Variants in FOXP1 observed in about 807,000 individuals in gnomAD.
FOXP1 encodes forkhead box protein P1.
FOXP1 carries 15 observed loss-of-function variants against 98.2 expected under a neutral mutation model. The ratio of observed to expected loss-of-function variants is 0.15; its 90% CI spans 0.10 to 0.24. The LOEUF is 0.24. Ranked by LOEUF, FOXP1 falls within the 10% of genes least tolerant of loss-of-function variation. The probability of loss-of-function intolerance (pLI) is 1.00; values close to 1 mark genes in which losing one functional copy is unlikely to be tolerated. For synonymous variants in FOXP1, 371 were observed against 314.5 expected (o/e 1.18, Z -1.90); for missense variants, 633 against 848.5 (o/e 0.75, Z 3.15).
intron 5 of FOXP1, among the ~76,000 whole-genome samples, chr3:71,289,015 T>TC (rs1560248111): frequency 7.2e-6 from 1 of 139,064 alleles, no homozygotes; most frequent in Non-Finnish European, 1.5e-5. Context: ...CTCACAACTC[T>TC]CTTCTTATTT....
intron 7 of FOXP1, among the ~76,000 whole-genome samples, chr3:71,099,518 G>GCAAAACAAAA (rs745686792): frequency 2.0e-5 from 3 of 151,862 alleles, no homozygotes; most frequent in Non-Finnish European, 2.9e-5. Flanking sequence ...TCTCAACAAA[G>GCAAAACAAAA]CAAAACAAAA....
chr3:71,555,264 C>T (rs2046044818), intron 2 of FOXP1, among the ~76,000 whole-genome samples: 2 of 152,174 alleles, frequency 1.3e-5, no homozygotes, highest in South Asian at 4.1e-4. Context: ...CCCAACCCTA[C>T]TGACCAAATT....
intron 6 of FOXP1, among the ~76,000 whole-genome samples, chr3:71,191,755 T>G (rs114934598): frequency 0.012 from 1,848 of 152,256 alleles, 30 homozygotes; most frequent in African/African-American, 0.041. Flanking sequence ...AAGAACATGT[T>G]GGGGGGTCAG....
At chr3:71,204,516 T>C (rs1390499606) in intron 5 of FOXP1, among the ~76,000 whole-genome samples, 1 of 152,180 alleles carries the variant, frequency 6.6e-6, no homozygotes, top group Non-Finnish European at 1.5e-5. Context: ...AGACTCTCAG[T>C]AGAGGACTGC....
At chr3:71,448,821 C>T (rs1267050096) in intron 3 of FOXP1, among the ~76,000 whole-genome samples, 1 of 152,198 alleles carries the variant, frequency 6.6e-6, no homozygotes, top group Non-Finnish European at 1.5e-5. Context: ...AACCAAATCA[C>T]TGGCAAGTAA....
chr3:70,959,176 C>G lies in FOXP1; in HGVS notation c.*71G>C, dbSNP rs2106851046. On this transcript the variant is annotated 3_prime_UTR_variant, in exon 21 of 21. Transcript: ENST00000649528. ...CAACAAATGGAGAACAATTTCACTG[C>G]TAACTTTTGACGTGTTTTTTTTTTT... 1.3e-6 allele frequency: 2 copies of G among 1,557,912 alleles called. No homozygotes were observed. The highest frequency in any genetic ancestry group is 1.8e-6 in the Non-Finnish European group (2 of 1,133,712).
At position 71,554,805 on chromosome 3, in the gene FOXP1, G is replaced by A. The variant is rs140708572; in HGVS notation, c.-298+26744C>T. Among the ~76,000 whole-genome samples the A allele has an allele frequency of 3.9e-3, 590 of 152,312 alleles. 3 individuals are homozygous for A. Among genetic ancestry groups the A allele is most frequent in the African/African-American group, 0.013 (540 of 41,566 alleles). On this transcript the variant is annotated intron_variant, in intron 2 of 20. Transcript: ENST00000649528. ...GTAAACACATTTTCTTTCACTTTGT[G>A]TGGACACAGTCTCCTGAAAATATGT... is the stretch of plus-strand genomic sequence containing the variant.
intron 5 of FOXP1, among the ~76,000 whole-genome samples, chr3:71,235,820 T>C (rs2066722996): frequency 6.6e-6 from 1 of 152,068 alleles, no homozygotes; most frequent in South Asian, 2.1e-4. Context: ...CCCGCCTCGG[T>C]CTCCCAAAGT....
intron 4 of FOXP1, among the ~76,000 whole-genome samples, chr3:71,324,989 C>A (rs926737530): frequency 6.6e-6 from 1 of 152,026 alleles, no homozygotes; most frequent in Admixed American, 6.6e-5. Context: ...AATGTGGACC[C>A]AGCGCTGCTC....
At chr3:71,495,503 C>T (rs1024912857) in intron 2 of FOXP1, among the ~76,000 whole-genome samples, 1 of 152,162 alleles carries the variant, frequency 6.6e-6, no homozygotes, top group Non-Finnish European at 1.5e-5. Context: ...AATGAATCAA[C>T]AACTGAAAGA....
chr3:71,308,068 T>TG (rs2074403812), intron 4 of FOXP1, among the ~76,000 whole-genome samples: 1 of 150,990 alleles, frequency 6.6e-6, no homozygotes, highest in Non-Finnish European at 1.5e-5. Flanking sequence ...AGATGCTGAG[T>TG]GACACATACT....
At chr3:70,995,041 TTC>T (rs1275823339) in intron 13 of FOXP1, among the ~76,000 whole-genome samples, 3 of 152,188 alleles carry the variant, frequency 2.0e-5, no homozygotes, top group South Asian at 2.1e-4. Context: ...TTTTTTTTTT[TTC>T]TGTCTGTGAA....
chr3:70,988,182 G>A, intron 13 of FOXP1, 105 bp from the exon 14 acceptor site: 1 of 1,014,032 alleles, frequency 9.9e-7, no homozygotes, highest in South Asian at 1.3e-5. Flanking sequence ...CACAGCACAT[G>A]ATAAAATCAT....
At chr3:71,515,433 C>CAAA (rs35322006) in intron 2 of FOXP1, among the ~76,000 whole-genome samples, 5,424 of 96,566 alleles carry the variant, frequency 0.056, 281 homozygotes, top group Middle Eastern at 0.16. Flanking sequence ...ATTTACACAG[C>CAAA]AAAAAAAAAA....
At chr3:71,113,856 C>T (rs1397235463) in intron 6 of FOXP1, among the ~76,000 whole-genome samples, 1 of 152,066 alleles carries the variant, frequency 6.6e-6, no homozygotes, top group Non-Finnish European at 1.5e-5. Context: ...TGGCTAGCCA[C>T]ACACCTTTCC....
chr3:71,282,036 G>A (rs1407520922), intron 5 of FOXP1, among the ~76,000 whole-genome samples: 1 of 151,992 alleles, frequency 6.6e-6, no homozygotes, highest in Non-Finnish European at 1.5e-5. Flanking sequence ...TTGAACCCAG[G>A]AGGCGGAGGG....
rs1433894660 is a variant in FOXP1, at chr3:71,126,860, A to AC, written c.181-14224_181-14223insG. The stretch of plus-strand genomic sequence containing the variant: ...CGAAACAAACAAACCAAAAAGAAAA[A>AC]AAAAAACAAACAAAAAAAAAAAACA... On this transcript the variant is annotated intron_variant, in intron 6 of 20. Coordinates refer to ENST00000649528, the MANE Select transcript of FOXP1 (RefSeq NM_001349338.3). Among the ~76,000 whole-genome samples, 287 of 141,036 alleles carry AC rather than the reference A, an allele frequency of 2.0e-3. 2 individuals carry two copies. Among genetic ancestry groups the AC allele is most frequent in the African/African-American group, 7.6e-3 (279 of 36,566 alleles). 92.5% of individuals were successfully genotyped at this position (141,036 alleles called of 152,430 possible). A position where few individuals can be genotyped will look rare whatever the true frequency, so the allele number is the denominator to read the frequency against.
chr3:71,457,264 A>C (rs2087592994), intron 3 of FOXP1, among the ~76,000 whole-genome samples: 1 of 152,206 alleles, frequency 6.6e-6, no homozygotes, highest in African/African-American at 2.4e-5. Context: ...AAACCTAATG[A>C]ATTTATGCAC....
chr3:71,407,717 G>A (rs760233532), intron 3 of FOXP1, among the ~76,000 whole-genome samples: 15 of 151,872 alleles, frequency 9.9e-5, no homozygotes, highest in Non-Finnish European at 2.1e-4. Context: ...CTTTGATGCC[G>A]TGAAATATTC....
Sources: allele counts gnomAD v4.1 joint callset (sites outside exome capture counted in the v4.1 genomes callset), GRCh38; gene constraint gnomAD v4.1.1; transcripts MANE v1.5; gene names NCBI Gene and HGNC (gene_info 2026-07-23, HGNC 2026-07-21).